The following WDSUB1 variants were observed in gnomAD, a reference collection of about 807,000 sequenced individuals.
The protein encoded by WDSUB1 is WD repeat, sterile alpha motif and U-box domain containing 1.
A neutral mutation model predicts 53.9 loss-of-function variants in WDSUB1; 49 were observed. The ratio of observed to expected loss-of-function variants is 0.91; its 90% CI spans 0.72 to 1.15. The LOEUF (loss-of-function observed/expected upper bound fraction) is 1.15. WDSUB1 is among the 50% of genes most tolerant of loss of function. WDSUB1 has a pLI of 0.00. For synonymous variants in WDSUB1, 194 were observed against 200.6 expected, an observed-to-expected ratio of 0.97 and a Z score of 0.28; for missense variants, 514 against 562.0, an observed-to-expected ratio of 0.91 and a Z score of 0.86.
intron 5 of WDSUB1, among the ~76,000 whole-genome samples, chr2:159,270,348 C>G (rs1244670720): frequency 6.6e-6 from 1 of 152,056 alleles, no homozygotes; most frequent in African/African-American, 2.4e-5. Context: ...TAATTAAAAC[C>G]CAAACAGGTT....
chr2:159,272,659 CAA>C (rs1338732650), intron 4 of WDSUB1, among the ~76,000 whole-genome samples: 2 of 152,106 alleles, frequency 1.3e-5, no homozygotes, highest in African/African-American at 2.4e-5. Flanking sequence ...GCCAATTGCC[CAA>C]AAGACTTAAA....
At chr2:159,265,102 AAAC>A (rs139666411) in intron 5 of WDSUB1, among the ~76,000 whole-genome samples, 16 of 146,512 alleles carry the variant, frequency 1.1e-4, no homozygotes, top group African/African-American at 4.0e-4. Flanking sequence ...AAAAAAAATA[AAAC>A]AACAACAACA....
chr2:159,259,552 C>A (rs970130143), intron 6 of WDSUB1, among the ~76,000 whole-genome samples: 1 of 152,332 alleles, frequency 6.6e-6, no homozygotes. Context: ...GTTTTGAACA[C>A]TGGTGCTCTT....
intron 10 of WDSUB1, among the ~76,000 whole-genome samples, chr2:159,242,186 G>C (rs2060670500): frequency 6.8e-6 from 1 of 146,914 alleles, no homozygotes; most frequent in Admixed American, 6.6e-5. Flanking sequence ...AAGCAGCTGG[G>C]ACTACAGGCA....
intron 10 of WDSUB1, among the ~76,000 whole-genome samples, chr2:159,240,780 C>T (rs2060623389): frequency 6.6e-6 from 1 of 152,108 alleles, no homozygotes; most frequent in Non-Finnish European, 1.5e-5. Context: ...AGTGTGGCTC[C>T]ACAGACAATG....
intron 10 of WDSUB1, among the ~76,000 whole-genome samples, chr2:159,244,447 G>A (rs1469316069): frequency 6.6e-6 from 1 of 151,602 alleles, no homozygotes; most frequent in Non-Finnish European, 1.5e-5. Flanking sequence ...ACATTGTATT[G>A]GGCATAAGTA....
Position 159,279,948 on chromosome 2 carries a change from G to T in WDSUB1, c.399-3C>A. On this transcript the variant is annotated splice_region_variant and splice_polypyrimidine_tract_variant and intron_variant, in intron 2 of 10. Coordinates refer to ENST00000359774, the MANE Select transcript of WDSUB1 (RefSeq NM_001128212.3). ...AGCCATCTTTAACACTACCACATCT[G>T]AAATAAAAGCAAAAAGTGGGTTTTC... is the stretch of plus-strand genomic sequence containing the variant. 1 of 1,597,966 alleles carries T rather than the reference G, an allele frequency of 6.3e-7. No homozygotes were observed. The highest frequency in any genetic ancestry group is 8.5e-7 in the Non-Finnish European group (1 of 1,169,736).
At chr2:159,264,649 AT>A (rs945452859) in intron 5 of WDSUB1, among the ~76,000 whole-genome samples, 4 of 151,814 alleles carry the variant, frequency 2.6e-5, no homozygotes, top group African/African-American at 9.7e-5. Context: ...CCCCTTCTGG[AT>A]TTTCTCTTTT....
At position 159,259,225 on chromosome 2, in the gene WDSUB1, A is replaced by G. The variant is rs928525012; in HGVS notation, c.804+585T>C. Among the ~76,000 whole-genome samples the G allele has an allele frequency of 3.3e-5, 5 of 152,090 alleles. No individual in the cohort carries two copies. In the South Asian group the frequency reaches 6.2e-4, roughly 19 times the overall value. On this transcript the variant is annotated intron_variant, in intron 6 of 10. Coordinates refer to ENST00000359774, the MANE Select transcript of WDSUB1 (RefSeq NM_001128212.3). ...TTTTTGGTAGAGATGAGGTTTCACC[A>G]TGTTGGCCAGGCTGGTCTTAAACTC...
At chr2:159,241,701 G>A (rs1397833465) in intron 10 of WDSUB1, among the ~76,000 whole-genome samples, 2 of 135,880 alleles carry the variant, frequency 1.5e-5, no homozygotes, top group Admixed American at 7.1e-5. Flanking sequence ...ATACATGACT[G>A]GGGATGTTTT....
At chr2:159,239,067 C>T (rs761737855) in intron 10 of WDSUB1, among the ~76,000 whole-genome samples, 4 of 152,098 alleles carry the variant, frequency 2.6e-5, no homozygotes, top group African/African-American at 7.2e-5. Flanking sequence ...AGTGACATGA[C>T]GGTAGCTCAC....
At chr2:159,250,888 C>T (rs1267608491) in intron 9 of WDSUB1, among the ~76,000 whole-genome samples, 1 of 151,964 alleles carries the variant, frequency 6.6e-6, no homozygotes. Context: ...GACATGGCTT[C>T]AAAAACTGTC....
chr2:159,268,546 T>C lies in WDSUB1; in HGVS notation c.770+3156A>G, dbSNP rs77667991. Among the ~76,000 whole-genome samples, 579 of 152,324 alleles carry C rather than the reference T, an allele frequency of 3.8e-3. 4 individuals are homozygous for C. Among genetic ancestry groups the C allele is most frequent in the African/African-American group, 0.013 (544 of 41,572 alleles). ...TATGGAAAAAAAGAACCATCAGCCT[T>C]AGTCCAGACATTCTAAATGGAGGTT... On this transcript the variant is annotated intron_variant, in intron 5 of 10. Transcript: ENST00000359774.
chr2:159,242,406 C>T (rs1575427099), intron 10 of WDSUB1, among the ~76,000 whole-genome samples: 1 of 146,208 alleles, frequency 6.8e-6, no homozygotes, highest in Non-Finnish European at 1.5e-5. Context: ...GTGGCTCACA[C>T]CTGTAATCCC....
chr2:159,254,361 A>G (rs956226446), intron 9 of WDSUB1, among the ~76,000 whole-genome samples: 1 of 152,146 alleles, frequency 6.6e-6, no homozygotes, highest in African/African-American at 2.4e-5. Flanking sequence ...GGAGTTTGAG[A>G]CCAGCCTGGG....
In WDSUB1 at chr2:159,261,984, C is replaced by A. The variant is rs1243676560; in HGVS notation, c.771-2141G>T. ...GGCTTTTGGTTAATTGACCTAGAGC[C>A]CAGTTCTGCTTAAGCCTGACTTTTC... On this transcript the variant is annotated intron_variant, in intron 5 of 10. Transcript: ENST00000359774. Among the ~76,000 whole-genome samples the A allele has an allele frequency of 2.9e-5, 4 of 139,948 alleles. No individual in the cohort carries two copies. In the Admixed American group the frequency reaches 3.0e-4, roughly 10 times the overall value. 91.8% of individuals were successfully genotyped at this position (139,948 alleles called of 152,430 possible).
At chr2:159,270,776 A>G (rs1161315870) in intron 5 of WDSUB1, among the ~76,000 whole-genome samples, 1 of 152,210 alleles carries the variant, frequency 6.6e-6, no homozygotes, top group East Asian at 1.9e-4. Flanking sequence ...ATAAACTGTG[A>G]AAAGGCAAAT....
At chr2:159,252,425 T>C (rs2060971262) in intron 9 of WDSUB1, among the ~76,000 whole-genome samples, 1 of 152,206 alleles carries the variant, frequency 6.6e-6, no homozygotes, top group Non-Finnish European at 1.5e-5. Context: ...TAAAGACCTG[T>C]GGTTGGCATC....
At chr2:159,267,646 T>G (rs184084886) in intron 5 of WDSUB1, among the ~76,000 whole-genome samples, 7 of 152,288 alleles carry the variant, frequency 4.6e-5, no homozygotes, top group African/African-American at 1.4e-4. Context: ...CTGCTGTCCA[T>G]TCACTTTTCA....
Sources: allele counts gnomAD v4.1 joint callset (sites outside exome capture counted in the v4.1 genomes callset), GRCh38; gene constraint gnomAD v4.1.1; transcripts MANE v1.5; gene names NCBI Gene and HGNC (gene_info 2026-07-23, HGNC 2026-07-21).